The following CNTN5 variants were observed in gnomAD, a reference collection of about 807,000 sequenced individuals.
The protein encoded by CNTN5 is contactin 5.
In CNTN5, 77 loss-of-function variants were observed where a neutral mutation model predicts 129.1. The ratio of observed to expected loss-of-function variants is 0.60; its 90% confidence interval spans 0.50 to 0.72. The LOEUF is 0.72. Ranked by LOEUF, CNTN5 falls within the 30% of genes least tolerant of loss-of-function variation. The pLI, the probability that CNTN5 is intolerant of heterozygous loss-of-function variation, is 0.00. For missense variants in CNTN5, 1,478 were observed against 1,328.8 expected, an observed-to-expected ratio of 1.11 and a Z score of -1.75; for synonymous variants, 509 against 465.6, an observed-to-expected ratio of 1.09 and a Z score of -1.20.
At position 99,256,346 on chromosome 11, in the gene CNTN5, C is replaced by T. The variant is rs10893001; in HGVS notation, c.-209-69000C>T. 9.0e-3 allele frequency among the ~76,000 whole-genome samples: 1,365 copies of T among 151,930 alleles called. 115 individuals carry two copies. The East Asian group carries it at 0.2, about 22-fold the overall frequency. On this transcript the variant is annotated intron_variant, in intron 1 of 24. Transcript: ENST00000524871. The stretch of plus-strand genomic sequence containing the variant: ...CAATTTCTTAGAGAAATGAGTGTTC[C>T]TTTGAATTGAAAGAGCCCTGCAGCT...
At chr11:99,908,730 A>T (rs1439773628) in intron 6 of CNTN5, among the ~76,000 whole-genome samples, 4 of 152,100 alleles carry the variant, frequency 2.6e-5, no homozygotes, top group Non-Finnish European at 4.4e-5. Flanking sequence ...ATACAGGAGA[A>T]AAGACCTAAG....
chr11:100,318,791 T>C (rs1022534642), intron 21 of CNTN5, among the ~76,000 whole-genome samples: 9 of 152,096 alleles, frequency 5.9e-5, no homozygotes, highest in African/African-American at 2.2e-4. Flanking sequence ...AACTAGGAAA[T>C]GAAGAAATTG....
At chr11:99,392,796 A>G (rs1405037047) in intron 2 of CNTN5, among the ~76,000 whole-genome samples, 1 of 151,914 alleles carries the variant, frequency 6.6e-6, no homozygotes, top group African/African-American at 2.4e-5. Context: ...GTAAATAGTA[A>G]AGAAAGAATA....
chr11:99,417,603 G>A (rs1180253914), intron 2 of CNTN5, among the ~76,000 whole-genome samples: 1 of 151,860 alleles, frequency 6.6e-6, no homozygotes, highest in African/African-American at 2.4e-5. Context: ...ACTATTTTAT[G>A]TTAAATTGTA....
intron 3 of CNTN5, among the ~76,000 whole-genome samples, chr11:99,771,154 G>A (rs1001428619): frequency 4.0e-5 from 6 of 151,730 alleles, no homozygotes; most frequent in African/African-American, 1.5e-4. Context: ...TAAATTCTTG[G>A]GGTCACATCT....
chr11:99,801,185 T>C (rs1003662790), intron 3 of CNTN5, among the ~76,000 whole-genome samples: 1 of 152,218 alleles, frequency 6.6e-6, no homozygotes, highest in Non-Finnish European at 1.5e-5. Flanking sequence ...ATGTTTCATG[T>C]ATGAAGTTCA....
chr11:99,545,446 T>G (rs1032430769), intron 2 of CNTN5, among the ~76,000 whole-genome samples: 13 of 152,194 alleles, frequency 8.5e-5, no homozygotes, highest in African/African-American at 3.1e-4. Context: ...TACTCTTACT[T>G]AACTGCCTTC....
intron 3 of CNTN5, among the ~76,000 whole-genome samples, chr11:99,585,304 T>C (rs111453464): frequency 2.0e-5 from 3 of 152,310 alleles, no homozygotes; most frequent in African/African-American, 7.2e-5. Flanking sequence ...TTCTCTCTTT[T>C]TTGACTACAT....
At chr11:100,081,128 T>A (rs1480378229) in intron 13 of CNTN5, among the ~76,000 whole-genome samples, 1 of 152,160 alleles carries the variant, frequency 6.6e-6, no homozygotes, top group Non-Finnish European at 1.5e-5. Context: ...TTCTTCATCT[T>A]TTCCTTAGAA....
intron 13 of CNTN5, among the ~76,000 whole-genome samples, chr11:100,158,831 A>G (rs1177290219): frequency 6.6e-6 from 1 of 151,790 alleles, no homozygotes; most frequent in Non-Finnish European, 1.5e-5. Flanking sequence ...ACTTTTATGC[A>G]AATATACCAC....
chr11:100,327,304 G>T (rs1445751594), intron 21 of CNTN5, among the ~76,000 whole-genome samples: 1 of 152,150 alleles, frequency 6.6e-6, no homozygotes, highest in East Asian at 1.9e-4. Context: ...TATGACTCCA[G>T]CATCAAGTGC....
At chr11:100,082,602 T>C in intron 13 of CNTN5, among the ~76,000 whole-genome samples, 1 of 152,154 alleles carries the variant, frequency 6.6e-6, no homozygotes, top group East Asian at 1.9e-4. Flanking sequence ...CACTGTGGGC[T>C]TTTTTAATTA....
chr11:100,020,941 A>T (rs778213921), intron 9 of CNTN5, among the ~76,000 whole-genome samples: 1 of 152,102 alleles, frequency 6.6e-6, no homozygotes, highest in Admixed American at 6.6e-5. Flanking sequence ...AAATAGAAAG[A>T]TACCCTCTGT....
intron 2 of CNTN5, among the ~76,000 whole-genome samples, chr11:99,443,587 T>G (rs1943930044): frequency 1.3e-5 from 2 of 152,184 alleles, no homozygotes; most frequent in Non-Finnish European, 2.9e-5. Context: ...CATAAATATT[T>G]AATAGCAATG....
intron 3 of CNTN5, among the ~76,000 whole-genome samples, chr11:99,632,357 T>C (rs74511007): frequency 0.086 from 13,039 of 152,160 alleles, 691 homozygotes; most frequent in Non-Finnish European, 0.11. Flanking sequence ...ACTAGAGTTC[T>C]GTGATTATGC....
At chr11:99,919,938 A>G (rs886982138) in intron 7 of CNTN5, among the ~76,000 whole-genome samples, 2 of 151,962 alleles carry the variant, frequency 1.3e-5, no homozygotes, top group African/African-American at 4.8e-5. Context: ...TATAGGCATG[A>G]GCCACTGGGT....
chr11:99,225,513 A>T (rs7104104), intron 1 of CNTN5, among the ~76,000 whole-genome samples: 3 of 152,024 alleles, frequency 2.0e-5, no homozygotes, highest in Non-Finnish European at 4.4e-5. Context: ...TAATCATTAC[A>T]TTCTATCATG....
intron 1 of CNTN5, among the ~76,000 whole-genome samples, chr11:99,245,219 G>C (rs139811769): frequency 6.6e-6 from 1 of 152,100 alleles, no homozygotes; most frequent in African/African-American, 2.4e-5. Flanking sequence ...ATTAATTCTG[G>C]TACAAAAGTA....
At chr11:99,666,883 A>G (rs1952812399) in intron 3 of CNTN5, among the ~76,000 whole-genome samples, 1 of 152,184 alleles carries the variant, frequency 6.6e-6, no homozygotes, top group African/African-American at 2.4e-5. Context: ...AATCCGTTAC[A>G]GGAATCTTTA....
Sources: gnomAD v4.1 joint callset for allele counts (sites outside exome capture counted in the v4.1 genomes callset) on GRCh38, gnomAD v4.1.1 for gene constraint, MANE v1.5 for transcripts, NCBI Gene and HGNC (gene_info 2026-07-23, HGNC 2026-07-21) for gene names.